Variants in DENND6A observed in about 807,000 individuals in gnomAD.
DENND6A encodes the protein DENN domain containing 6A, also known as protein DENND6A.
DENND6A carries 43 observed loss-of-function variants against 95.5 expected under a neutral mutation model. That is an observed-to-expected ratio of 0.45 (90% CI 0.35 to 0.58). The LOEUF (loss-of-function observed/expected upper bound fraction) is 0.58, where lower values mean the gene tolerates loss of function less well. DENND6A is among the 20% of genes least tolerant of loss of function. The pLI is 0.00. For missense variants in DENND6A, 574 were observed against 736.0 expected, an observed-to-expected ratio of 0.78 and a Z score of 2.55; for synonymous variants, 257 against 260.4, an observed-to-expected ratio of 0.99 and a Z score of 0.13.
chr3:57,644,369 G>A (rs1038208677), intron 11 of DENND6A, among the ~76,000 whole-genome samples: 1 of 151,838 alleles, frequency 6.6e-6, no homozygotes, highest in African/African-American at 2.4e-5. Flanking sequence ...CCAGTGGCAC[G>A]ATCTGAGTTC....
chr3:57,628,660 T>C, intron 19 of DENND6A, 151 bp downstream of exon 19: 1 of 778,866 alleles, frequency 1.3e-6, no homozygotes, highest in Non-Finnish European at 2.0e-6. Context: ...TGACCAAGTA[T>C]TTTCAGCAGT....
intron 1 of DENND6A, among the ~76,000 whole-genome samples, chr3:57,678,203 G>A (rs2077126247): frequency 6.6e-6 from 1 of 152,094 alleles, no homozygotes; most frequent in Non-Finnish European, 1.5e-5. Flanking sequence ...GATAAATATA[G>A]ATTTATAGAA....
chr3:57,661,335 C>T, intron 6 of DENND6A, 111 bp downstream of exon 6: 1 of 839,122 alleles, frequency 1.2e-6, no homozygotes, highest in Non-Finnish European at 1.7e-6. Context: ...TCATATATTC[C>T]TTAAGTTCCT....
intron 1 of DENND6A, among the ~76,000 whole-genome samples, chr3:57,678,285 A>G (rs2077126979): frequency 6.6e-6 from 1 of 152,236 alleles, no homozygotes; most frequent in Non-Finnish European, 1.5e-5. Context: ...CTCCCAGCAC[A>G]TAAATGCCTT....
intron 11 of DENND6A, 113 bp downstream of exon 11, chr3:57,645,548 A>C: frequency 1.5e-6 from 1 of 688,616 alleles, no homozygotes; most frequent in South Asian, 2.5e-5. Flanking sequence ...GCAGCTCCTC[A>C]AACTTTCCTT....
chr3:57,672,239 G>A lies in DENND6A; in HGVS notation c.319+17C>T, dbSNP rs1320633132. On this transcript the variant is annotated intron_variant, in intron 3 of 19. Coordinates refer to ENST00000311128, the MANE Select transcript of DENND6A (RefSeq NM_152678.3). Reference sequence around the variant, plus strand: ...TAGTATAAAATTAAACAGAAACACTGTATGAAAAACAGTTACCTGAATTTG... The same window carrying A: ...TAGTATAAAATTAAACAGAAACACTATATGAAAAACAGTTACCTGAATTTG... 24 of 1,598,026 alleles carry A rather than the reference G, an allele frequency of 1.5e-5. No individual in the cohort carries two copies. Among genetic ancestry groups the A allele is most frequent in the Non-Finnish European group, 1.8e-5 (21 of 1,171,518 alleles).
In DENND6A at chr3:57,693,020, G is replaced by C. The variant is rs2077286239; in HGVS notation, c.-2C>G. 2 of 1,460,112 alleles carry C rather than the reference G, an allele frequency of 1.4e-6. No individual in the cohort carries two copies. Among genetic ancestry groups the C allele is most frequent in the Non-Finnish European group, 1.8e-6 (2 of 1,118,760 alleles). The allele number at this position is 1,460,112 out of a possible 1,614,324, so 90.4% of individuals were successfully genotyped here. On this transcript the variant is annotated 5_prime_UTR_variant, in exon 1 of 20. Coordinates refer to ENST00000311128, the MANE Select transcript of DENND6A (RefSeq NM_152678.3). ...GCCCGCAGGGCCCCTCAAAGCCATCGGCCGCCCCCTGACCGTTCGCGCCGC... is the reference window on the plus strand; with the variant it reads ...GCCCGCAGGGCCCCTCAAAGCCATCCGCCGCCCCCTGACCGTTCGCGCCGC...
chr3:57,692,835 G>C lies in DENND6A; in HGVS notation c.184C>G (p.Leu62Val). 2 of 1,583,292 alleles carry C rather than the reference G, an allele frequency of 1.3e-6. No homozygotes were observed. The highest frequency in any genetic ancestry group is 1.7e-6 in the Non-Finnish European group (2 of 1,168,388). ...AAGCCCACCACACACACGCAGTGCA[G>C]CCAGGCGGAGAAGCTGTCCCAGCGC... ...LLRWDSFSAW[L>V]HCVCVVGFDL... The change falls in exon 1 of 20, where the codon CTG becomes GTG. Residue 62 changes from leucine (L) to valine (V), a missense_variant. By Grantham distance (32) the Leu-to-Val change is conservative. This residue lies in a region of DENND6A where 122 missense variants were observed against 105.1 expected (regional missense o/e 1.16). Coordinates refer to ENST00000311128, the MANE Select transcript of DENND6A (RefSeq NM_152678.3).
intron 18 of DENND6A, among the ~76,000 whole-genome samples, chr3:57,629,745 AT>A (rs1644769541): frequency 6.7e-6 from 1 of 148,764 alleles, no homozygotes; most frequent in Non-Finnish European, 1.5e-5. Flanking sequence ...GATGGTCTCC[AT>A]CTCCTGACCT....
chr3:57,641,753 A>AAAAAC lies in DENND6A; in HGVS notation c.1038-11_1038-7dup, dbSNP rs771544774. 61 of 1,608,692 alleles carry AAAAAC rather than the reference A, an allele frequency of 3.8e-5. No individual in the cohort carries two copies. Among genetic ancestry groups the AAAAAC allele is most frequent in the Admixed American group, 6.8e-5 (4 of 59,210 alleles). On this transcript the variant is annotated splice_region_variant and splice_polypyrimidine_tract_variant and intron_variant, in intron 11 of 19. Transcript: ENST00000311128. Reference sequence around the variant, plus strand: ...CTCCTAATATAACTGAGGGCCTATAAAAAACAAAACAAAACAAAATAAAAA... The same window carrying AAAAAC: ...CTCCTAATATAACTGAGGGCCTATAAAAAACAAAACAAAACAAAACAAAATAAAAA...
Position 57,661,480 on chromosome 3 carries a change from C to T in DENND6A, c.585G>A (p.Glu195=). The T allele has an allele frequency of 6.3e-7, 1 of 1,582,440 alleles. No individual in the cohort carries two copies. ...FHTVLKQIAP[E]YFEKNEPYLE... is the part of the protein sequence containing the mutation. ...AATAAGGTTCATTCTTTTCAAAATA[C>T]TCTGGTGCTATCTGTTTGAGCACAG... is the stretch of plus-strand genomic sequence containing the variant. Residue 195 remains glutamate (E), a synonymous_variant, in exon 6 of 20, where the codon GAG becomes GAA. Transcript: ENST00000311128.
At chr3:57,686,896 C>G (rs1416844804) in intron 1 of DENND6A, among the ~76,000 whole-genome samples, 3 of 152,190 alleles carry the variant, frequency 2.0e-5, no homozygotes, top group Non-Finnish European at 4.4e-5. Flanking sequence ...ACACATCTCT[C>G]ACTTTAAATC....
chr3:57,683,413 C>T (rs7629727), intron 1 of DENND6A, among the ~76,000 whole-genome samples: 125,940 of 152,140 alleles, frequency 0.83, 52,425 homozygotes, highest in East Asian at 1. Flanking sequence ...CTGCCCATGG[C>T]TATAAACTAT....
intron 5 of DENND6A, among the ~76,000 whole-genome samples, chr3:57,663,401 T>C (rs1176017843): frequency 1.4e-5 from 2 of 138,630 alleles, no homozygotes; most frequent in African/African-American, 5.3e-5. Context: ...GAGGCAGAGG[T>C]TGCAGTCAGC....
chr3:57,630,940 A>G lies in DENND6A; in HGVS notation c.1392T>C (p.Ser464=), dbSNP rs531293332. ...ATATTCATACCTTCCATGGGGAAAT[A>G]CTTTTCTGCAAAGGCATCAAGCTTG... is the stretch of plus-strand genomic sequence containing the variant. ...YVASLMPLQK[S]ISPWKSPPQL... The change falls in exon 16 of 20, where the codon AGT becomes AGC. Residue 464 remains serine, a synonymous_variant. Transcript: ENST00000311128. 1.9e-6 allele frequency: 3 copies of G among 1,613,548 alleles called. No individual in the cohort carries two copies. The South Asian group carries it at 3.3e-5, about 18-fold the overall frequency.
In DENND6A at chr3:57,634,729, A is replaced by T. The variant is rs774681247; in HGVS notation, c.1173T>A (p.Asn391Lys). ...CAGGTTTGGAATCCAGAGTCTTTAG[A>T]TTCTTCAGTTTTTTCACTTTAACCT... ...PKQVKVKKLKNLKTLDSKPGV... is the reference protein window; with the variant it reads ...PKQVKVKKLKKLKTLDSKPGV... Residue 391 changes from asparagine to lysine, a missense_variant, in exon 13 of 20, where the codon AAT becomes AAA. Coordinates refer to ENST00000311128, the MANE Select transcript of DENND6A (RefSeq NM_152678.3). 1 of 1,572,148 alleles carries T rather than the reference A, an allele frequency of 6.4e-7. No individual in the cohort carries two copies. The highest frequency in any genetic ancestry group is 8.6e-7 in the Non-Finnish European group (1 of 1,159,414).
intron 4 of DENND6A, among the ~76,000 whole-genome samples, chr3:57,664,018 C>G (rs2071485705): frequency 8.0e-6 from 1 of 125,464 alleles, no homozygotes; most frequent in African/African-American, 2.5e-5. Context: ...TAATTACAAT[C>G]TAAGTACTAA....
At chr3:57,651,037 G>A (rs1324613500) in intron 9 of DENND6A, among the ~76,000 whole-genome samples, 1 of 151,972 alleles carries the variant, frequency 6.6e-6, no homozygotes, top group African/African-American at 2.4e-5. Flanking sequence ...GACCACCTTG[G>A]CCTCCCAAAG....
At chr3:57,691,520 A>G (rs1311479899) in intron 1 of DENND6A, among the ~76,000 whole-genome samples, 2 of 152,122 alleles carry the variant, frequency 1.3e-5, no homozygotes, top group African/African-American at 4.8e-5. Flanking sequence ...TGGAAACTTA[A>G]TGTCGCTGAA....
Sources: allele counts gnomAD v4.1 joint callset (sites outside exome capture counted in the v4.1 genomes callset), GRCh38; gene constraint gnomAD v4.1.1; regional missense constraint gnomAD v4.1.1; transcripts MANE v1.5; gene names NCBI Gene and HGNC (gene_info 2026-07-23, HGNC 2026-07-21).